Variants in CDH18 observed in about 807,000 individuals in gnomAD.
The protein encoded by CDH18 is cadherin 18.
In CDH18, 31 loss-of-function variants were observed where a neutral mutation model predicts 67.9. The observed-to-expected ratio is 0.46, with a 90% CI of 0.34 to 0.62. CDH18 has a LOEUF of 0.62. Ranked by LOEUF, CDH18 falls within the 20% of genes least tolerant of loss-of-function variation. The pLI is 0.01. For synonymous variants in CDH18, 362 were observed against 347.2 expected (o/e 1.04, Z -0.48); for missense variants, 890 against 975.5 (o/e 0.91, Z 1.17).
chr5:20,073,332 T>C (rs1162079257), intron 2 of CDH18, among the ~76,000 whole-genome samples: 1 of 152,036 alleles, frequency 6.6e-6, no homozygotes, highest in Admixed American at 6.6e-5. Context: ...TGGGTGGAGC[T>C]GCAGTACCTT....
At chr5:19,896,952 T>A (rs1189331960) in intron 2 of CDH18, among the ~76,000 whole-genome samples, 1 of 152,170 alleles carries the variant, frequency 6.6e-6, no homozygotes, top group Non-Finnish European at 1.5e-5. Flanking sequence ...TAAAATTTAA[T>A]TTAAAAGATG....
chr5:19,930,915 A>G (rs1192649242), intron 2 of CDH18, among the ~76,000 whole-genome samples: 2 of 152,058 alleles, frequency 1.3e-5, no homozygotes, highest in African/African-American at 2.4e-5. Flanking sequence ...CGAAACACAG[A>G]ATTAAGAATT....
In CDH18 at chr5:20,132,486, G is replaced by A. The variant is rs559290561; in HGVS notation, c.-518+122958C>T. ...CAGTCTATAATTCTATTCAAATTTT[G>A]TTGTTGTTTTTGTTTTTGTTGCCTA... On this transcript the variant is annotated intron_variant, in intron 2 of 14. Coordinates refer to the CDH18 transcript ENST00000507958. Among the ~76,000 whole-genome samples the A allele has an allele frequency of 3.9e-5, 6 of 152,004 alleles. No individual in the cohort carries two copies. The South Asian group carries it at 1.2e-3, about 32-fold the overall frequency.
chr5:20,554,863 T>G (rs2126630911), intron 1 of CDH18, among the ~76,000 whole-genome samples: 1 of 152,254 alleles, frequency 6.6e-6, no homozygotes, highest in Middle Eastern at 3.4e-3. Flanking sequence ...AAGACCAAAC[T>G]TGTCTGGATG....
intron 1 of CDH18, among the ~76,000 whole-genome samples, chr5:20,520,589 G>A (rs139089757): frequency 1.0e-3 from 154 of 152,180 alleles, no homozygotes; most frequent in African/African-American, 2.5e-3. Context: ...GGCATTTTGC[G>A]TCTCAGGCCC....
intron 2 of CDH18, among the ~76,000 whole-genome samples, chr5:19,969,711 G>A (rs914145884): frequency 7.4e-6 from 1 of 136,046 alleles, no homozygotes; most frequent in African/African-American, 2.7e-5. Flanking sequence ...GGGGGAGCGG[G>A]GAGGGATAGC....
chr5:19,745,340 T>C (rs1287667627), intron 4 of CDH18, among the ~76,000 whole-genome samples: 1 of 152,206 alleles, frequency 6.6e-6, no homozygotes, highest in Non-Finnish European at 1.5e-5. Context: ...GGCTACTGTT[T>C]AGTATACTGT....
chr5:19,994,238 CACACACATAT>C (rs1238953477), intron 2 of CDH18, among the ~76,000 whole-genome samples: 2 of 146,676 alleles, frequency 1.4e-5, no homozygotes, highest in African/African-American at 5.0e-5. Context: ...CATGTATATA[CACACACATAT>C]ACACATATAT....
intron 1 of CDH18, among the ~76,000 whole-genome samples, chr5:20,505,582 A>T (rs1465160370): frequency 1.3e-5 from 2 of 152,268 alleles, no homozygotes; most frequent in East Asian, 3.9e-4. Context: ...TCTATGTTAT[A>T]TTCACAACTT....
intron 1 of CDH18, among the ~76,000 whole-genome samples, chr5:20,503,572 C>T (rs966077158): frequency 5.9e-5 from 9 of 152,096 alleles, no homozygotes; most frequent in African/African-American, 2.2e-4. Context: ...TTATGGTCAG[C>T]AATCTCCAGA....
intron 4 of CDH18, among the ~76,000 whole-genome samples, chr5:19,745,448 C>A (rs899108025): frequency 1.3e-5 from 2 of 152,106 alleles, no homozygotes; most frequent in South Asian, 2.1e-4. Flanking sequence ...CCCTTACTTA[C>A]CTTGGAAATA....
intron 3 of CDH18, among the ~76,000 whole-genome samples, chr5:19,784,481 A>G (rs1775481345): frequency 6.6e-6 from 1 of 152,194 alleles, no homozygotes; most frequent in Non-Finnish European, 1.5e-5. Flanking sequence ...TTACACAGGC[A>G]TGCCACTTTT....
chr5:19,797,534 C>T (rs1776986329), intron 3 of CDH18, among the ~76,000 whole-genome samples: 1 of 151,874 alleles, frequency 6.6e-6, no homozygotes. Flanking sequence ...AAACACAAAT[C>T]AATACTAACA....
chr5:19,486,518 G>T (rs1740428472), intron 11 of CDH18, among the ~76,000 whole-genome samples: 1 of 152,074 alleles, frequency 6.6e-6, no homozygotes, highest in Non-Finnish European at 1.5e-5. Context: ...AGGGCCAGGC[G>T]CAGTGGATCA....
intron 1 of CDH18, among the ~76,000 whole-genome samples, chr5:20,318,993 G>T (rs1344742693): frequency 1.3e-5 from 2 of 151,936 alleles, no homozygotes; most frequent in Non-Finnish European, 2.9e-5. Context: ...AACTCTTATT[G>T]TGCCCTAGGC....
Position 19,921,348 on chromosome 5 carries a change from A to G in CDH18, c.-257+59712T>C, listed in dbSNP as rs182982041. ...AGATTGCGACTATCCTGGCTAACAC[A>G]GTGAAACCCTGTCTCTACTAAAAAT... On this transcript the variant is annotated intron_variant, in intron 2 of 12. Transcript: ENST00000382275. Among the ~76,000 whole-genome samples, 1,477 of 152,088 alleles carry G rather than the reference A, an allele frequency of 9.7e-3. 16 individuals carry two copies. Among genetic ancestry groups the G allele is most frequent in the South Asian group, 0.035 (170 of 4,824 alleles).
chr5:19,984,247 A>G (rs1540750), intron 1 of CDH18, among the ~76,000 whole-genome samples: 64,909 of 151,348 alleles, frequency 0.43, 16,166 homozygotes, highest in Middle Eastern at 0.66. Context: ...ATATATCCAT[A>G]TTAATCTATT....
At chr5:20,394,417 A>G (rs1300035041) in intron 1 of CDH18, among the ~76,000 whole-genome samples, 1 of 152,238 alleles carries the variant, frequency 6.6e-6, no homozygotes, top group East Asian at 1.9e-4. Flanking sequence ...ATCTCTTACC[A>G]TATATACAAA....
chr5:19,968,828 C>A (rs1235499984), intron 2 of CDH18, among the ~76,000 whole-genome samples: 1 of 145,382 alleles, frequency 6.9e-6, no homozygotes, highest in East Asian at 1.9e-4. Flanking sequence ...GCAACAAAAG[C>A]CAGAATTGAC....
Sources: gnomAD v4.1 joint callset for allele counts (sites outside exome capture counted in the v4.1 genomes callset) on GRCh38, gnomAD v4.1.1 for gene constraint, MANE v1.5 for transcripts, NCBI Gene and HGNC (gene_info 2026-07-23, HGNC 2026-07-21) for gene names.